The following LRCH2 variants were observed in gnomAD, a reference collection of about 807,000 sequenced individuals.
LRCH2 encodes the protein leucine-rich repeat and calponin homology domain-containing protein 2.
LRCH2 carries 38 observed loss-of-function variants against 68.9 expected under a neutral mutation model. The observed-to-expected ratio is 0.55, with a 90% CI of 0.43 to 0.72. LRCH2 has a LOEUF of 0.72. LRCH2 is among the 30% of genes least tolerant of loss of function. The probability of loss-of-function intolerance (pLI) is 0.00; values close to 1 mark genes in which losing one functional copy is unlikely to be tolerated. For synonymous variants in LRCH2, 191 were observed against 208.1 expected (o/e 0.92, Z 0.71); for missense variants, 528 against 572.9 (o/e 0.92, Z 0.80).
chrX:115,122,956 T>C, intron 18 of LRCH2, 59 bp from the exon 19 acceptor site: 1 of 1,089,162 alleles, frequency 9.2e-7, no homozygotes, highest in South Asian at 2.0e-5. Context: ...TAAATGTTTA[T>C]ATTACTAATT....
intron 5 of LRCH2, among the ~76,000 whole-genome samples, chrX:115,177,046 CT>C (rs35686915): frequency 0.052 from 3,491 of 66,596 alleles, 117 homozygotes; most frequent in Non-Finnish European, 0.068. Flanking sequence ...CGCACCCAGC[CT>C]TTTTTTTTTT....
At chrX:115,145,415 G>A (rs782753448) in intron 14 of LRCH2, among the ~76,000 whole-genome samples, 2 of 111,111 alleles carry the variant, frequency 1.8e-5, no homozygotes, top group African/African-American at 3.3e-5. Context: ...CCCCATAAGC[G>A]CAGGCAACCA....
rs186774872 is a variant in LRCH2 at position 115,155,019 on chromosome X, C to T, written c.1529+1583G>A. Reference sequence around the variant, plus strand: ...CCGCGCCACTGCACTCCAGCCTGGGCGACAGAGCAAGACTCTGTCAAAAAA... The same window carrying T: ...CCGCGCCACTGCACTCCAGCCTGGGTGACAGAGCAAGACTCTGTCAAAAAA... On this transcript the variant is annotated intron_variant, in intron 12 of 20. Transcript: ENST00000317135. Among the ~76,000 whole-genome samples the T allele has an allele frequency of 9.7e-3, 642 of 66,301 alleles. 4 individuals carry two copies. The highest frequency in any genetic ancestry group is 0.03 in the Middle Eastern group (2 of 66). The allele number at this position is 66,301 out of a possible 115,157, so 57.6% of individuals were successfully genotyped here.
At chrX:115,157,938 T>C (rs1411419527) in intron 11 of LRCH2, among the ~76,000 whole-genome samples, 1 of 110,358 alleles carries the variant, frequency 9.1e-6, no homozygotes, top group African/African-American at 3.3e-5. Flanking sequence ...GAAAAACAAG[T>C]TGAGATCCAC....
chrX:115,151,335 T>C (rs1048146525), intron 12 of LRCH2, among the ~76,000 whole-genome samples: 1 of 110,598 alleles, frequency 9.0e-6, no homozygotes, highest in African/African-American at 3.3e-5. Flanking sequence ...ATGGCTTATA[T>C]AACAAGTAGT....
At chrX:115,194,286 AC>A (rs1171619378) in intron 1 of LRCH2, among the ~76,000 whole-genome samples, 2 of 111,951 alleles carry the variant, frequency 1.8e-5, no homozygotes, top group African/African-American at 3.2e-5. Flanking sequence ...AACTAAAAAA[AC>A]AATAGAATTA....
intron 20 of LRCH2, among the ~76,000 whole-genome samples, chrX:115,119,566 A>T (rs1396223481): frequency 1.4e-5 from 1 of 69,962 alleles, no homozygotes; most frequent in Non-Finnish European, 2.7e-5. Flanking sequence ...GGTAGGAAGA[A>T]TCAATATTGT....
At chrX:115,184,360 A>G (rs1352845998) in intron 3 of LRCH2, 51 bp downstream of exon 3, 1 of 950,992 alleles carries the variant, frequency 1.1e-6, no homozygotes, top group African/African-American at 2.0e-5. Flanking sequence ...ATCTTCCAAA[A>G]TGTAGATATA....
chrX:115,118,134 C>T (rs921968928), intron 20 of LRCH2, among the ~76,000 whole-genome samples: 2 of 109,810 alleles, frequency 1.8e-5, no homozygotes. Context: ...AAGTCTAGAG[C>T]TCAGGAGTTC....
chrX:115,229,797 G>A (rs2073141598), intron 1 of LRCH2, among the ~76,000 whole-genome samples: 1 of 111,692 alleles, frequency 9.0e-6, no homozygotes, highest in Non-Finnish European at 1.9e-5. Flanking sequence ...TGTTTATCTG[G>A]CTCCATTTTA....
chrX:115,134,580 TTA>T (rs1193827576), intron 14 of LRCH2, among the ~76,000 whole-genome samples: 2 of 111,953 alleles, frequency 1.8e-5, no homozygotes, highest in African/African-American at 6.5e-5. Flanking sequence ...TGCCTGTGCT[TTA>T]TAAATAGACC....
In LRCH2 at chrX:115,216,065, CAACTT is replaced by C. The variant is rs1176920588; in HGVS notation, c.349+17623_349+17627del. On this transcript the variant is annotated intron_variant, in intron 1 of 20. Coordinates refer to ENST00000317135, the MANE Select transcript of LRCH2 (RefSeq NM_020871.4). ...TATTTAAAATAGTAAAAATTAGAAACAACTTAAATGTCCAACAATAAGATAAAGGC... is the reference window on the plus strand; with the variant it reads ...TATTTAAAATAGTAAAAATTAGAAACAAATGTCCAACAATAAGATAAAGGC... Among the ~76,000 whole-genome samples the C allele has an allele frequency of 2.7e-5, 3 of 111,452 alleles. No homozygotes were observed. The Admixed American group carries it at 2.9e-4, about 11-fold the overall frequency.
intron 14 of LRCH2, among the ~76,000 whole-genome samples, chrX:115,146,902 TACATACACAC>T (rs1273756915): frequency 3.2e-4 from 17 of 53,899 alleles, no homozygotes; most frequent in African/African-American, 1.1e-3. Context: ...ATTTCTTACA[TACATACACAC>T]ACACACACAC....
chrX:115,186,563 T>G (rs1301708097), intron 2 of LRCH2, among the ~76,000 whole-genome samples: 2 of 111,475 alleles, frequency 1.8e-5, no homozygotes, highest in African/African-American at 6.5e-5. Context: ...TTACAGATCG[T>G]GACAGGATAG....
At position 115,135,600 on chromosome X, in the gene LRCH2, A is replaced by G. The variant is rs1292500615; in HGVS notation, c.1696-5401T>C. Among the ~76,000 whole-genome samples, 4 of 112,229 alleles carry G rather than the reference A, an allele frequency of 3.6e-5. 1 individual carries two copies. Among genetic ancestry groups the G allele is most frequent in the African/African-American group, 1.3e-4 (4 of 30,877 alleles). ...TTGAAATGACAACAAATGATTTACAATGTGACATACCCTTATTTGATAAAG... is the reference window on the plus strand; with the variant it reads ...TTGAAATGACAACAAATGATTTACAGTGTGACATACCCTTATTTGATAAAG... On this transcript the variant is annotated intron_variant, in intron 14 of 20. Coordinates refer to ENST00000317135, the MANE Select transcript of LRCH2 (RefSeq NM_020871.4).
chrX:115,130,316 A>T (rs1556529582), intron 14 of LRCH2, 117 bp from the exon 15 acceptor site: 9 of 380,414 alleles, frequency 2.4e-5, no homozygotes, highest in Non-Finnish European at 4.6e-6. Flanking sequence ...ACCTGATAAC[A>T]AATTTAAGTA....
chrX:115,175,448 A>G (rs1295758492), intron 5 of LRCH2, among the ~76,000 whole-genome samples: 1 of 111,598 alleles, frequency 9.0e-6, no homozygotes, highest in East Asian at 2.8e-4. Flanking sequence ...AGAAGGAACA[A>G]ACGCTACAAC....
intron 6 of LRCH2, among the ~76,000 whole-genome samples, chrX:115,167,217 A>AAAAAAAAAAAC (rs2072568952): frequency 9.7e-6 from 1 of 103,422 alleles, no homozygotes; most frequent in African/African-American, 3.4e-5. Context: ...AAAAAAAAAA[A>AAAAAAAAAAAC]AACAATAACA....
At chrX:115,161,309 G>A (rs1293474811) in intron 11 of LRCH2, among the ~76,000 whole-genome samples, 2 of 110,851 alleles carry the variant, frequency 1.8e-5, no homozygotes, top group African/African-American at 6.6e-5. Context: ...AGCCAAGACT[G>A]TACCACTGCA....
Sources: gnomAD v4.1 joint callset for allele counts (sites outside exome capture counted in the v4.1 genomes callset) on GRCh38, gnomAD v4.1.1 for gene constraint, MANE v1.5 for transcripts, NCBI Gene and HGNC (gene_info 2026-07-23, HGNC 2026-07-21) for gene names.